Variants in COL13A1 observed in about 807,000 individuals in gnomAD.
COL13A1 encodes collagen type XIII alpha 1 chain.
A neutral mutation model predicts 130.9 loss-of-function variants in COL13A1; 89 were observed. The observed-to-expected ratio is 0.68, with a 90% CI of 0.57 to 0.81. The LOEUF (loss-of-function observed/expected upper bound fraction) is 0.81. Among genes scored for constraint, COL13A1 ranks in the 30% least tolerant of loss-of-function variants. COL13A1 has a pLI of 0.00. For missense variants in COL13A1, 879 were observed against 934.6 expected (o/e 0.94, Z 0.78); for synonymous variants, 402 against 341.6 (o/e 1.18, Z -1.95).
chr10:69,898,900 T>C lies in COL13A1; in HGVS notation c.750+138T>C, dbSNP rs2061924760. The C allele has an allele frequency of 1.6e-5, 10 of 608,330 alleles. No homozygotes were observed. The South Asian group carries it at 2.3e-4, about 14-fold the overall frequency. 37.7% of individuals were successfully genotyped at this position (608,330 alleles called of 1,614,324 possible). On this transcript the variant is annotated intron_variant, in intron 14 of 40. Transcript: ENST00000645393. ...GACAAAAATAGGCCCACGTATACCA[T>C]AGACATGGAAATACACAACACACAG...
intron 40 of COL13A1, among the ~76,000 whole-genome samples, chr10:69,957,352 G>A (rs2070947086): frequency 6.6e-6 from 1 of 152,218 alleles, no homozygotes; most frequent in Admixed American, 6.5e-5. Flanking sequence ...AGGAGTTCCA[G>A]ATCACACTCA....
At chr10:69,903,341 T>C (rs2062394764) in intron 15 of COL13A1, among the ~76,000 whole-genome samples, 3 of 152,208 alleles carry the variant, frequency 2.0e-5, no homozygotes, top group African/African-American at 7.2e-5. Flanking sequence ...CCAAGAGCCC[T>C]GCGCCAAGCC....
chr10:69,811,971 C>T (rs1843150340), intron 1 of COL13A1, among the ~76,000 whole-genome samples: 1 of 152,172 alleles, frequency 6.6e-6, no homozygotes, highest in South Asian at 2.1e-4. Context: ...CCTCTCCTCT[C>T]CATCCCTGCC....
chr10:69,949,622 C>G (rs2069084627), intron 38 of COL13A1, among the ~76,000 whole-genome samples: 1 of 152,154 alleles, frequency 6.6e-6, no homozygotes, highest in Admixed American at 6.5e-5. Context: ...AGGCCCGGAG[C>G]CCCAGACCAG....
chr10:69,829,303 T>G, intron 2 of COL13A1: 7 of 977,464 alleles, frequency 7.2e-6, no homozygotes, highest in Non-Finnish European at 8.5e-6. Flanking sequence ...TTAACATTGA[T>G]GTATAACTCC....
intron 17 of COL13A1, among the ~76,000 whole-genome samples, chr10:69,911,497 G>A (rs1339545834): frequency 1.3e-5 from 2 of 152,218 alleles, no homozygotes; most frequent in African/African-American, 4.8e-5. Context: ...GAGAAGCCAG[G>A]TCTGTGTGAT....
rs537425425 is a variant in COL13A1 at position 69,920,028 on chromosome 10, C to T, written c.1089+301C>T. Among the ~76,000 whole-genome samples the T allele has an allele frequency of 2.4e-4, 37 of 152,282 alleles. 1 individual carries two copies. Among genetic ancestry groups the T allele is most frequent in the African/African-American group, 8.7e-4 (36 of 41,564 alleles). On this transcript the variant is annotated intron_variant, in intron 21 of 40. Coordinates refer to ENST00000645393, the MANE Select transcript of COL13A1 (RefSeq NM_001368882.1). ...TTTCCTTCTCCACATGGCCTGCTTC[C>T]GAAGGATACCCAAACTAAGCACATC...
At chr10:69,952,027 A>G (rs2069645416) in intron 38 of COL13A1, among the ~76,000 whole-genome samples, 1 of 152,276 alleles carries the variant, frequency 6.6e-6, no homozygotes. Flanking sequence ...AGACTCTGAC[A>G]CATACAATAT....
chr10:69,813,436 C>G (rs938368670), intron 1 of COL13A1, among the ~76,000 whole-genome samples: 2 of 152,170 alleles, frequency 1.3e-5, no homozygotes, highest in Non-Finnish European at 2.9e-5. Flanking sequence ...TTTCCTGAAC[C>G]ATAGAGCCTG....
At chr10:69,888,890 T>C (rs148100972) in intron 9 of COL13A1, among the ~76,000 whole-genome samples, 2 of 152,242 alleles carry the variant, frequency 1.3e-5, no homozygotes, top group Non-Finnish European at 2.9e-5. Flanking sequence ...TCCCCAGTCC[T>C]AGGAGCAAGT....
At chr10:69,891,206 T>G (rs555092053) in intron 10 of COL13A1, among the ~76,000 whole-genome samples, 2 of 152,278 alleles carry the variant, frequency 1.3e-5, no homozygotes, top group East Asian at 3.9e-4. Context: ...TGCTTTGCAA[T>G]GAGTGCTATA....
chr10:69,817,834 G>A (rs972492694), intron 1 of COL13A1, among the ~76,000 whole-genome samples: 3 of 152,170 alleles, frequency 2.0e-5, no homozygotes, highest in Non-Finnish European at 2.9e-5. Context: ...TGGGGCCGGG[G>A]TGTTAGGTCC....
At chr10:69,905,004 C>G in intron 16 of COL13A1, 45 bp downstream of exon 16, 2 of 1,552,236 alleles carry the variant, frequency 1.3e-6, no homozygotes, top group South Asian at 2.4e-5. Flanking sequence ...GGGAGAATTC[C>G]CTGCAGGAGG....
chr10:69,915,250 A>G (rs922224920), intron 17 of COL13A1, among the ~76,000 whole-genome samples: 3 of 152,224 alleles, frequency 2.0e-5, no homozygotes, highest in African/African-American at 7.2e-5. Flanking sequence ...GTGCAGACAC[A>G]TGGCAGCTGC....
rs1260146337 is a variant in COL13A1 at position 69,928,916 on chromosome 10, T to A, written c.1423-21T>A. 3 of 1,603,356 alleles carry A rather than the reference T, an allele frequency of 1.9e-6. No homozygotes were observed. In the East Asian group the frequency reaches 6.7e-5, roughly 36 times the overall value. ...TCCTCCATGGGACAGTTCTTCCATG[T>A]GTCTTTCCTTTCTCTCCTAGGGGCC... is the stretch of plus-strand genomic sequence containing the variant. On this transcript the variant is annotated intron_variant, in intron 27 of 40. Coordinates refer to ENST00000645393, the MANE Select transcript of COL13A1 (RefSeq NM_001368882.1).
Position 69,958,937 on chromosome 10 carries a change from G to T in COL13A1, c.*236G>T. 1 of 542,604 alleles carries T rather than the reference G, an allele frequency of 1.8e-6. No individual in the cohort carries two copies. Among genetic ancestry groups the T allele is most frequent in the East Asian group, 3.1e-5 (1 of 31,790 alleles). The allele number at this position is 542,604 out of a possible 1,614,324, so 33.6% of individuals were successfully genotyped here. ...TTTTGTTTGGTCGTAATGTCTGCAT[G>T]ATATTTGTGCACATTTATTAAGTAT... On this transcript the variant is annotated 3_prime_UTR_variant, in exon 41 of 41. Coordinates refer to ENST00000645393, the MANE Select transcript of COL13A1 (RefSeq NM_001368882.1).
At chr10:69,947,407 G>C in intron 38 of COL13A1, 65 bp downstream of exon 38, 3 of 1,439,220 alleles carry the variant, frequency 2.1e-6, no homozygotes, top group Non-Finnish European at 2.9e-6. Flanking sequence ...TGGAATGATC[G>C]ATCGGTGATT....
At chr10:69,928,107 G>A (rs184273875) in intron 27 of COL13A1, among the ~76,000 whole-genome samples, 44 of 152,282 alleles carry the variant, frequency 2.9e-4, no homozygotes, top group Admixed American at 1.8e-3. Context: ...AGTCGAGACT[G>A]CACCACTGCA....
At chr10:69,893,810 C>T (rs892165766) in intron 10 of COL13A1, among the ~76,000 whole-genome samples, 3 of 152,228 alleles carry the variant, frequency 2.0e-5, no homozygotes, top group South Asian at 4.1e-4. Context: ...ATCTCCCTCA[C>T]AGACACATAC....
Sources: allele counts gnomAD v4.1 joint callset (sites outside exome capture counted in the v4.1 genomes callset), GRCh38; gene constraint gnomAD v4.1.1; transcripts MANE v1.5; gene names NCBI Gene and HGNC (gene_info 2026-07-23, HGNC 2026-07-21).